ZEB2: variants seen among roughly 807,000 people sequenced by gnomAD.
ZEB2 encodes zinc finger E-box binding homeobox 2, also known as zinc finger E-box-binding homeobox 2.
Under a neutral mutation model 99.9 loss-of-function variants are expected in ZEB2, and 6 were observed. The ratio of observed to expected loss-of-function variants is 0.06; its 90% CI spans 0.03 to 0.12. The LOEUF is 0.12. Ranked by LOEUF, ZEB2 falls within the 10% of genes least tolerant of loss-of-function variation. The pLI, the probability that ZEB2 is intolerant of heterozygous loss-of-function variation, is 1.00. For synonymous variants in ZEB2, 517 were observed against 542.5 expected (o/e 0.95, Z 0.65); for missense variants, 969 against 1,502.8 (o/e 0.64, Z 5.87).
intron 5 of ZEB2, 143 bp from the exon 6 acceptor site, chr2:144,404,273 T>C: frequency 2.3e-6 from 2 of 873,304 alleles, no homozygotes; most frequent in Non-Finnish European, 3.6e-6. Context: ...CCCGGCCCCC[T>C]CGCACACCAG....
chr2:144,437,390 A>G (rs1278301001), intron 2 of ZEB2, among the ~76,000 whole-genome samples: 1 of 152,228 alleles, frequency 6.6e-6, no homozygotes, highest in African/African-American at 2.4e-5. Flanking sequence ...AAATACATCA[A>G]GTGACTATAT....
intron 2 of ZEB2, among the ~76,000 whole-genome samples, chr2:144,445,577 A>T (rs1397195819): frequency 6.6e-6 from 1 of 152,150 alleles, no homozygotes; most frequent in Non-Finnish European, 1.5e-5. Flanking sequence ...GAAGATGCTT[A>T]GGTGGTACCT....
chr2:144,401,111 A>T, intron 7 of ZEB2, 88 bp downstream of exon 7: 1 of 1,220,672 alleles, frequency 8.2e-7, no homozygotes, highest in South Asian at 1.2e-5. Flanking sequence ...AAAGCTACAA[A>T]TAGGACTGTG....
chr2:144,481,630 A>G (rs993683994), intron 2 of ZEB2, among the ~76,000 whole-genome samples: 7 of 152,242 alleles, frequency 4.6e-5, no homozygotes, highest in African/African-American at 1.7e-4. Flanking sequence ...ATTACAAAAT[A>G]GAATCTACAA....
In ZEB2 at chr2:144,399,328, A is replaced by G. The variant is rs374705196; in HGVS notation, c.1859T>C (p.Ile620Thr). 3 of 1,614,016 alleles carry G rather than the reference A, an allele frequency of 1.9e-6. No individual in the cohort carries two copies. Among genetic ancestry groups the G allele is most frequent in the Non-Finnish European group, 2.5e-6 (3 of 1,180,026 alleles). ...IKAVLQPHEN[I>T]VPNKAGVFVD... Reference sequence around the variant, plus strand: ...AAAAACTCCGGCTTTGTTGGGGACTATGTTTTCATGAGGCTGCAGGACCGC... The same window carrying G: ...AAAAACTCCGGCTTTGTTGGGGACTGTGTTTTCATGAGGCTGCAGGACCGC... Residue 620 changes from isoleucine (I) to threonine (T), a missense_variant, in exon 8 of 10, where the codon ATA becomes ACA. Physicochemically the swap from Ile to Thr is moderately conservative, Grantham distance 89. Transcript: ENST00000627532. This position sits in a 1 kb window ranked among gnomAD's most constrained non-coding sequence, Gnocchi z 5.6.
At chr2:144,440,128 G>C (rs762064276) in intron 2 of ZEB2, among the ~76,000 whole-genome samples, 1 of 152,104 alleles carries the variant, frequency 6.6e-6, no homozygotes, top group African/African-American at 2.4e-5. Context: ...CACTTTGAAT[G>C]GCTATTTATT....
chr2:144,466,753 T>C (rs2149907270), intron 2 of ZEB2, among the ~76,000 whole-genome samples: 1 of 152,290 alleles, frequency 6.6e-6, no homozygotes, highest in Middle Eastern at 3.4e-3. Context: ...CAGAAAATAA[T>C]GAAACCAGTG....
intron 6 of ZEB2, among the ~76,000 whole-genome samples, chr2:144,403,554 CTAAG>C (rs1456915684): frequency 6.6e-6 from 1 of 151,948 alleles, no homozygotes; most frequent in Admixed American, 6.6e-5. Flanking sequence ...AAGAAAATTT[CTAAG>C]TAAAGCGAGG....
At chr2:144,413,523 C>T (rs1703493271) in intron 4 of ZEB2, among the ~76,000 whole-genome samples, 1 of 152,200 alleles carries the variant, frequency 6.6e-6, no homozygotes, top group Non-Finnish European at 1.5e-5. Context: ...TTTCTCTCCT[C>T]CAAACCTATC....
chr2:144,467,432 G>C lies in ZEB2; in HGVS notation c.74-37406C>G, dbSNP rs554587056. Among the ~76,000 whole-genome samples the C allele has an allele frequency of 6.9e-4, 105 of 152,200 alleles. 1 individual carries two copies. The highest frequency in any genetic ancestry group is 1.5e-3 in the Admixed American group (23 of 15,278). On this transcript the variant is annotated intron_variant, in intron 2 of 9. Transcript: ENST00000627532. Reference sequence around the variant, plus strand: ...CTTCACCTTTTTGGAGGCGGATAGTGGGGAGACATAGAGCCTTTTAAGAAT... The same window carrying C: ...CTTCACCTTTTTGGAGGCGGATAGTCGGGAGACATAGAGCCTTTTAAGAAT...
Position 144,486,252 on chromosome 2 carries a change from G to A in ZEB2, c.73+31026C>T, listed in dbSNP as rs543493088. On this transcript the variant is annotated intron_variant, in intron 2 of 9. Coordinates refer to ENST00000627532, the MANE Select transcript of ZEB2 (RefSeq NM_014795.4). Reference sequence around the variant, plus strand: ...TTCATTGTATTTATATCTCTCTTCTGACTAAATTTTTCACCTTGATCACAA... The same window carrying A: ...TTCATTGTATTTATATCTCTCTTCTAACTAAATTTTTCACCTTGATCACAA... Among the ~76,000 whole-genome samples, 4 of 151,966 alleles carry A rather than the reference G, an allele frequency of 2.6e-5. No individual in the cohort carries two copies. The South Asian group carries it at 8.3e-4, about 32-fold the overall frequency.
chr2:144,430,880 C>A (rs951838369), intron 2 of ZEB2: 2 of 152,212 alleles, frequency 1.3e-5, no homozygotes, highest in Non-Finnish European at 2.9e-5. Context: ...CCCTCACAGG[C>A]TCTCGGCCTA....
intron 4 of ZEB2, among the ~76,000 whole-genome samples, chr2:144,406,813 T>C (rs1703394814): frequency 1.3e-5 from 2 of 152,144 alleles, no homozygotes; most frequent in South Asian, 4.1e-4. Context: ...ATGATAGGGA[T>C]TGGAGAAAGA....
At chr2:144,486,344 GA>G (rs1704597037) in intron 2 of ZEB2, among the ~76,000 whole-genome samples, 1 of 145,260 alleles carries the variant, frequency 6.9e-6, no homozygotes, top group Non-Finnish European at 1.5e-5. Context: ...CATGGAGAAA[GA>G]AAATGTCAAA....
At chr2:144,498,412 T>A (rs925784074) in intron 2 of ZEB2, among the ~76,000 whole-genome samples, 8 of 151,616 alleles carry the variant, frequency 5.3e-5, no homozygotes, top group Non-Finnish European at 1.2e-4. Context: ...AAGCCCCATG[T>A]GGTTGCGGAT....
chr2:144,486,061 C>T (rs1053891614), intron 2 of ZEB2, among the ~76,000 whole-genome samples: 1 of 152,026 alleles, frequency 6.6e-6, no homozygotes, highest in African/African-American at 2.4e-5. Flanking sequence ...TATTTTATAC[C>T]AATAGTGACA....
intron 2 of ZEB2, chr2:144,463,138 C>A (rs1375866923): frequency 6.6e-6 from 1 of 152,134 alleles, no homozygotes; most frequent in Non-Finnish European, 1.5e-5. Context: ...TCAGAAGTAA[C>A]CCCCAAAGTT....
At chr2:144,434,115 C>G (rs932515028) in intron 2 of ZEB2, among the ~76,000 whole-genome samples, 5 of 152,122 alleles carry the variant, frequency 3.3e-5, no homozygotes, top group Admixed American at 1.3e-4. Flanking sequence ...TACAGAAGAA[C>G]TGATGTGAAG....
chr2:144,450,818 G>A (rs1215118738), intron 2 of ZEB2, among the ~76,000 whole-genome samples: 1 of 152,320 alleles, frequency 6.6e-6, no homozygotes, highest in Middle Eastern at 3.4e-3. Flanking sequence ...TGGGATTACA[G>A]GCGCCCACCA....
Sources: gnomAD v4.1 joint callset for allele counts (sites outside exome capture counted in the v4.1 genomes callset) on GRCh38, gnomAD v4.1.1 for gene constraint, Gnocchi (gnomAD v3.1) non-coding constraint, MANE v1.5 for transcripts, NCBI Gene and HGNC (gene_info 2026-07-23, HGNC 2026-07-21) for gene names.